The following PCGF5 variants were observed in gnomAD, a reference collection of about 807,000 sequenced individuals.
PCGF5 encodes polycomb group ring finger 5.
Under a neutral mutation model 44.3 loss-of-function variants are expected in PCGF5, and 9 were observed. That is an observed-to-expected ratio of 0.20 (90% CI 0.12 to 0.35). The LOEUF is 0.35. PCGF5 is among the 10% of genes least tolerant of loss of function. PCGF5 has a pLI of 1.00. For missense variants in PCGF5, 146 were observed against 305.3 expected (o/e 0.48, Z 3.89); for synonymous variants, 95 against 102.5 (o/e 0.93, Z 0.44).
chr10:91,250,881 G>T (rs1194086617), intron 5 of PCGF5, among the ~76,000 whole-genome samples: 1 of 148,864 alleles, frequency 6.7e-6, no homozygotes, highest in Non-Finnish European at 1.5e-5. Flanking sequence ...AAAAGTATTT[G>T]GTTTTAATTT....
chr10:91,164,517 T>A (rs866601002), intron 1 of PCGF5, among the ~76,000 whole-genome samples: 4 of 152,364 alleles, frequency 2.6e-5, no homozygotes, highest in Middle Eastern at 3.4e-3. Flanking sequence ...TAATTGCGTC[T>A]ACCTAACTGG....
At chr10:91,176,221 G>A (rs1161378352) in intron 1 of PCGF5, among the ~76,000 whole-genome samples, 6 of 152,294 alleles carry the variant, frequency 3.9e-5, no homozygotes, top group Non-Finnish European at 7.4e-5. Context: ...TTTTCTTTAA[G>A]AATGTTGAAT....
intron 7 of PCGF5, 72 bp from the exon 8 acceptor site, chr10:91,264,359 A>G (rs1446608920): frequency 7.8e-7 from 1 of 1,285,674 alleles, no homozygotes; most frequent in Admixed American, 2.3e-5. Flanking sequence ...ATTTTTTGAA[A>G]TTTCAAAAAA....
At chr10:91,228,245 T>TA (rs1421194015) in intron 2 of PCGF5, among the ~76,000 whole-genome samples, 2 of 152,272 alleles carry the variant, frequency 1.3e-5, no homozygotes, top group Non-Finnish European at 2.9e-5. Context: ...GTTGTTGATT[T>TA]AAAACAAAAG....
At chr10:91,227,524 A>G in intron 2 of PCGF5, 1 of 1,226,824 alleles carries the variant, frequency 8.2e-7, no homozygotes, top group Non-Finnish European at 1.0e-6. Context: ...AATACTTCTC[A>G]AATCTGTCCC....
At chr10:91,227,953 A>G (rs903432392) in intron 2 of PCGF5, 8 of 962,676 alleles carry the variant, frequency 8.3e-6, no homozygotes, top group African/African-American at 1.8e-5. Flanking sequence ...TGCATGGCTA[A>G]TAAGTTATTT....
intron 6 of PCGF5, among the ~76,000 whole-genome samples, chr10:91,259,905 G>A (rs1307767945): frequency 6.6e-6 from 1 of 151,882 alleles, no homozygotes; most frequent in Non-Finnish European, 1.5e-5. Flanking sequence ...ATAGGCATGG[G>A]CAAGGACTTC....
upstream of PCGF5, among the ~76,000 whole-genome samples, chr10:91,162,645 C>T (rs1043505598): frequency 5.3e-5 from 8 of 151,484 alleles, no homozygotes; most frequent in African/African-American, 1.7e-4. Context: ...GCAGCCGCCG[C>T]GGCTCGTCCC....
Position 91,264,562 on chromosome 10 carries a change from A to G in PCGF5, c.663+42A>G, listed in dbSNP as rs767431873. 1.4e-5 allele frequency: 19 copies of G among 1,388,816 alleles called. No individual in the cohort carries two copies. In the Admixed American group the frequency reaches 1.9e-4, roughly 14 times the overall value. The allele number at this position is 1,388,816 out of a possible 1,614,324, so 86.0% of individuals were successfully genotyped here. A position where few individuals can be genotyped will look rare whatever the true frequency, so the allele number is the denominator to read the frequency against. ...TTTACCTATGTGTTTATTTAGTTAT[A>G]TACCATTATGTTACTCAAATTTAAC... is the stretch of plus-strand genomic sequence containing the variant. On this transcript the variant is annotated intron_variant, in intron 8 of 9. Coordinates refer to ENST00000336126, the MANE Select transcript of PCGF5 (RefSeq NM_032373.5).
At chr10:91,189,136 T>C (rs1171823783) in intron 1 of PCGF5, among the ~76,000 whole-genome samples, 1 of 152,246 alleles carries the variant, frequency 6.6e-6, no homozygotes, top group East Asian at 1.9e-4. Context: ...ATCTGTGCTT[T>C]TGCATAATGG....
chr10:91,255,714 T>C (rs1361868767), intron 6 of PCGF5, among the ~76,000 whole-genome samples: 1 of 152,100 alleles, frequency 6.6e-6, no homozygotes, highest in East Asian at 1.9e-4. Context: ...CAACATTATA[T>C]TATTTAAAAT....
chr10:91,193,668 A>G (rs562918524), intron 1 of PCGF5, among the ~76,000 whole-genome samples: 156 of 152,226 alleles, frequency 1.0e-3, no homozygotes, highest in African/African-American at 3.3e-3. Flanking sequence ...CAAGTGAGCT[A>G]GGGAGTCATT....
At chr10:91,170,476 A>G (rs749740232) in intron 1 of PCGF5, among the ~76,000 whole-genome samples, 4 of 152,252 alleles carry the variant, frequency 2.6e-5, no homozygotes, top group Non-Finnish European at 4.4e-5. Context: ...TCACCAGAGA[A>G]GATACACAGA....
chr10:91,266,003 A>G (rs145142605), intron 8 of PCGF5, among the ~76,000 whole-genome samples: 121 of 152,310 alleles, frequency 7.9e-4, no homozygotes, highest in Middle Eastern at 3.4e-3. Flanking sequence ...GTAACATTTT[A>G]TAATGTTTTA....
intron 1 of PCGF5, among the ~76,000 whole-genome samples, chr10:91,183,002 C>A (rs902813860): frequency 1.3e-5 from 2 of 152,054 alleles, no homozygotes; most frequent in African/African-American, 4.8e-5. Context: ...TATTTCAGTT[C>A]TTTTGCTTTT....
intron 3 of PCGF5, among the ~76,000 whole-genome samples, chr10:91,245,897 G>A (rs562479678): frequency 6.6e-6 from 1 of 152,300 alleles, no homozygotes; most frequent in East Asian, 1.9e-4. Context: ...GCACTTGTGA[G>A]TGTAGTATGA....
rs555269542 is a variant in PCGF5 at position 91,171,432 on chromosome 10, G to T, written c.-184+8351G>T. Among the ~76,000 whole-genome samples the T allele has an allele frequency of 2.4e-4, 36 of 152,328 alleles. No individual in the cohort carries two copies. In the Middle Eastern group the frequency reaches 0.01, roughly 43 times the overall value. ...GTTTGCGCAGTGGGGAGCCAAAGGT[G>T]ATGAGGGCTTGACAAGTTGCTAGAA... On this transcript the variant is annotated intron_variant, in intron 1 of 9. Coordinates refer to the PCGF5 transcript ENST00000614189.
In PCGF5 at chr10:91,180,914, G is replaced by A. The variant is rs150798272; in HGVS notation, c.-184+17833G>A. On this transcript the variant is annotated intron_variant, in intron 1 of 9. Coordinates refer to the PCGF5 transcript ENST00000614189. ...TGTCAATGGTAGTTTAATAGAAATA[G>A]CATTGAATCTATAAATTGCTTTGGG... 1.6e-3 allele frequency among the ~76,000 whole-genome samples: 241 copies of A among 152,274 alleles called. 3 individuals are homozygous for A. The East Asian group carries it at 0.024, about 15-fold the overall frequency.
intron 8 of PCGF5, among the ~76,000 whole-genome samples, chr10:91,268,594 C>A (rs1846101349): frequency 1.3e-5 from 2 of 152,102 alleles, no homozygotes; most frequent in African/African-American, 4.8e-5. Context: ...CCACTCTCTG[C>A]CCCGTGGAGT....
Sources: gnomAD v4.1 joint callset for allele counts (sites outside exome capture counted in the v4.1 genomes callset) on GRCh38, gnomAD v4.1.1 for gene constraint, MANE v1.5 for transcripts, NCBI Gene and HGNC (gene_info 2026-07-23, HGNC 2026-07-21) for gene names.